ARHGAP6: variants seen among roughly 807,000 people sequenced by gnomAD.
ARHGAP6 encodes Rho GTPase activating protein 6, also known as rho GTPase-activating protein 6.
ARHGAP6 carries 16 observed loss-of-function variants against 55.7 expected under a neutral mutation model. The ratio of observed to expected loss-of-function variants is 0.29; its 90% CI spans 0.19 to 0.44. The LOEUF (loss-of-function observed/expected upper bound fraction) is 0.44, where lower values mean the gene tolerates loss of function less well. Ranked by LOEUF, ARHGAP6 falls within the 20% of genes least tolerant of loss-of-function variation. The probability of loss-of-function intolerance (pLI) is 1.00; values close to 1 mark genes in which losing one functional copy is unlikely to be tolerated. For missense variants in ARHGAP6, 698 were observed against 808.9 expected (o/e 0.86, Z 1.66); for synonymous variants, 382 against 360.9 (o/e 1.06, Z -0.66).
intron 1 of ARHGAP6, among the ~76,000 whole-genome samples, chrX:11,260,846 G>A (rs548682515): frequency 9.0e-6 from 1 of 111,461 alleles, no homozygotes; most frequent in African/African-American, 3.3e-5. Context: ...TGGAGATTAG[G>A]GTCATGTAGT....
intron 9 of ARHGAP6, among the ~76,000 whole-genome samples, chrX:11,164,576 TCA>T (rs202079577): frequency 0.022 from 2,441 of 111,750 alleles, 26 homozygotes; most frequent in Middle Eastern, 0.06. Flanking sequence ...CTCGGAATCC[TCA>T]TCACAGCCTC....
intron 1 of ARHGAP6, among the ~76,000 whole-genome samples, chrX:11,391,169 A>G (rs760329915): frequency 8.9e-5 from 10 of 111,872 alleles, no homozygotes; most frequent in East Asian, 8.3e-4. Context: ...TTGTAGGGAC[A>G]TGGATGAAGC....
At chrX:11,394,064 T>C (rs1433745199) in intron 1 of ARHGAP6, among the ~76,000 whole-genome samples, 3 of 111,496 alleles carry the variant, frequency 2.7e-5, no homozygotes, top group East Asian at 5.6e-4. Context: ...AAGCCAAAAA[T>C]GGACTTCCTG....
intron 1 of ARHGAP6, among the ~76,000 whole-genome samples, chrX:11,573,930 T>C (rs1434299390): frequency 9.0e-6 from 1 of 111,527 alleles, no homozygotes; most frequent in African/African-American, 3.3e-5. Flanking sequence ...TCCTAGGTAT[T>C]TTATTCTCTT....
intron 1 of ARHGAP6, among the ~76,000 whole-genome samples, chrX:11,455,732 G>C (rs1230604736): frequency 9.0e-6 from 1 of 111,314 alleles, no homozygotes; most frequent in Non-Finnish European, 1.9e-5. Flanking sequence ...ATTTTAGGAG[G>C]CACAGTGTTG....
At chrX:11,278,933 G>T (rs1387070122) in intron 1 of ARHGAP6, among the ~76,000 whole-genome samples, 13 of 110,837 alleles carry the variant, frequency 1.2e-4, no homozygotes, top group African/African-American at 3.3e-4. Context: ...AATTCCATCT[G>T]CTCAGAACCT....
At chrX:11,451,666 G>A (rs1052687065) in intron 1 of ARHGAP6, among the ~76,000 whole-genome samples, 23 of 111,379 alleles carry the variant, frequency 2.1e-4, no homozygotes, top group Admixed American at 5.7e-4. Flanking sequence ...TCTGCACCCC[G>A]CACAGGTGTC....
At chrX:11,603,043 C>T (rs183217693) in intron 1 of ARHGAP6, among the ~76,000 whole-genome samples, 25 of 112,040 alleles carry the variant, frequency 2.2e-4, no homozygotes, top group African/African-American at 7.1e-4. Context: ...TACACATTTT[C>T]GTCAGCATGG....
At chrX:11,491,754 G>C (rs1383659893) in intron 1 of ARHGAP6, among the ~76,000 whole-genome samples, 2 of 110,468 alleles carry the variant, frequency 1.8e-5, no homozygotes, top group Admixed American at 9.7e-5. Flanking sequence ...GGTTCAAATG[G>C]TATTTCTAGT....
At chrX:11,357,260 C>T (rs1239514379) in intron 1 of ARHGAP6, among the ~76,000 whole-genome samples, 1 of 111,470 alleles carries the variant, frequency 9.0e-6, no homozygotes, top group African/African-American at 3.3e-5. Flanking sequence ...AGTCATTTTC[C>T]TTTATTTACC....
chrX:11,452,749 A>AT (rs948253472), intron 1 of ARHGAP6, among the ~76,000 whole-genome samples: 2 of 111,576 alleles, frequency 1.8e-5, no homozygotes, highest in African/African-American at 3.3e-5. Flanking sequence ...CTCTACAGAG[A>AT]TTTTTTCATA....
At chrX:11,535,915 T>G (rs2051100361) in intron 1 of ARHGAP6, among the ~76,000 whole-genome samples, 1 of 112,691 alleles carries the variant, frequency 8.9e-6, no homozygotes, top group Non-Finnish European at 1.9e-5. Flanking sequence ...TAGCTTCATA[T>G]TTTTGTTAAT....
At chrX:11,322,525 A>T (rs1305306919) in intron 1 of ARHGAP6, among the ~76,000 whole-genome samples, 1 of 111,094 alleles carries the variant, frequency 9.0e-6, no homozygotes, top group African/African-American at 3.3e-5. Flanking sequence ...TGCCTGGCTA[A>T]TTTTTTATAT....
At chrX:11,390,335 T>C (rs1371608688) in intron 1 of ARHGAP6, among the ~76,000 whole-genome samples, 1 of 111,677 alleles carries the variant, frequency 9.0e-6, no homozygotes, top group East Asian at 2.8e-4. Flanking sequence ...TGTAGCCTTG[T>C]AGTATAGTTT....
At chrX:11,578,680 G>C (rs1406148313) in intron 1 of ARHGAP6, among the ~76,000 whole-genome samples, 1 of 111,615 alleles carries the variant, frequency 9.0e-6, no homozygotes, top group Non-Finnish European at 1.9e-5. Context: ...CCATTACTGG[G>C]TATATACCCA....
intron 1 of ARHGAP6, among the ~76,000 whole-genome samples, chrX:11,576,030 G>A (rs1349230068): frequency 1.8e-5 from 2 of 111,956 alleles, no homozygotes; most frequent in African/African-American, 3.2e-5. Context: ...TTTTTTTAAT[G>A]TGCTGATGGT....
intron 1 of ARHGAP6, among the ~76,000 whole-genome samples, chrX:11,352,233 C>A (rs1016299104): frequency 4.5e-5 from 5 of 111,478 alleles, no homozygotes; most frequent in African/African-American, 1.6e-4. Flanking sequence ...ATAGTTTACC[C>A]ACACAACACA....
intron 2 of ARHGAP6, among the ~76,000 whole-genome samples, chrX:11,218,745 T>C (rs374925659): frequency 8.9e-6 from 1 of 111,957 alleles, no homozygotes; most frequent in Non-Finnish European, 1.9e-5. Context: ...CTAATTTATT[T>C]GTGTGGAGGT....
intron 1 of ARHGAP6, among the ~76,000 whole-genome samples, chrX:11,354,388 A>G (rs2048908730): frequency 1.0e-5 from 1 of 96,451 alleles, no homozygotes; most frequent in African/African-American, 3.9e-5. Flanking sequence ...CATTATAACC[A>G]TGATCACCAC....
Sources: allele counts gnomAD v4.1 joint callset (sites outside exome capture counted in the v4.1 genomes callset), GRCh38; gene constraint gnomAD v4.1.1; transcripts MANE v1.5; gene names NCBI Gene and HGNC (gene_info 2026-07-23, HGNC 2026-07-21).